USP20: variants seen among roughly 807,000 people sequenced by gnomAD.
USP20 encodes the protein ubiquitin carboxyl-terminal hydrolase 20.
USP20 carries 80 observed loss-of-function variants against 124.2 expected under a neutral mutation model. The observed-to-expected ratio is 0.64, with a 90% CI of 0.54 to 0.78. The LOEUF is 0.78. USP20 is among the 30% of genes least tolerant of loss of function. The pLI, the probability that USP20 is intolerant of heterozygous loss-of-function variation, is 0.00. For synonymous variants in USP20, 481 were observed against 512.3 expected, an observed-to-expected ratio of 0.94 and a Z score of 0.83; for missense variants, 1,043 against 1,244.4, an observed-to-expected ratio of 0.84 and a Z score of 2.44.
intron 1 of USP20, among the ~76,000 whole-genome samples, chr9:129,843,738 CAAAAA>C (rs1482666302): frequency 1.3e-5 from 2 of 150,868 alleles, no homozygotes. Context: ...AACTCCATCT[CAAAAA>C]AACAAAACAA....
intron 17 of USP20, among the ~76,000 whole-genome samples, chr9:129,874,237 C>T (rs920300261): frequency 9.2e-5 from 14 of 152,302 alleles, no homozygotes; most frequent in African/African-American, 3.4e-4. Context: ...AAGGAAGGCA[C>T]GTGTGGCTGG....
chr9:129,844,842 G>A (rs1050727447), intron 1 of USP20, among the ~76,000 whole-genome samples: 4 of 151,774 alleles, frequency 2.6e-5, no homozygotes, highest in African/African-American at 9.7e-5. Context: ...ACAAGTAGGA[G>A]AAGATGAAAA....
At chr9:129,880,425 G>T in intron 25 of USP20, 42 bp from the exon 26 acceptor site, 1 of 1,065,926 alleles carries the variant, frequency 9.4e-7, no homozygotes, top group Non-Finnish European at 1.3e-6. Context: ...GAGGGCCCTG[G>T]ACATGGCCCG....
At position 129,879,649 on chromosome 9, in the gene USP20, G is replaced by A; in HGVS notation, c.2584+5G>A. On this transcript the variant is annotated splice_donor_5th_base_variant and intron_variant, in intron 24 of 25. Transcript: ENST00000372429. The surrounding 1 kb of genome is among the most constrained non-coding windows in gnomAD (Gnocchi z 4.2). ...GCCATGTCCAGCTGAAGCAGGGTGA[G>A]TTCCCCCTGGGGTCAGCCAGGCTCC... 6.2e-7 allele frequency: 1 copy of A among 1,613,896 alleles called. No homozygotes were observed. The highest frequency in any genetic ancestry group is 8.5e-7 in the Non-Finnish European group (1 of 1,179,970).
chr9:129,868,282 A>G lies in USP20; in HGVS notation c.968A>G (p.Glu323Gly). 6.2e-7 allele frequency: 1 copy of G among 1,613,980 alleles called. No homozygotes were observed. The highest frequency in any genetic ancestry group is 1.1e-5 in the South Asian group (1 of 91,084). The change falls in exon 11 of 26, where the codon GAG becomes GGG. Residue 323 changes from glutamate (E) to glycine (G), a missense_variant. Glu to Gly is a moderately conservative substitution (Grantham distance 98). Coordinates refer to ENST00000372429, the MANE Select transcript of USP20 (RefSeq NM_001110303.4). The part of the protein sequence containing the change: ...IPDEAGRAIS[E>G]KERMKDRKFS... ...GATGAGGCGGGCCGAGCCATCTCTG[A>G]GAAGGAGCGGATGAAGGACCGCAAG...
Position 129,874,644 on chromosome 9 carries a change from C to A in USP20, c.1809C>A (p.Val603=). ...VMYSFKINSH[V]SFPLEGLDLR... is the part of the protein sequence containing the mutation. ...ACTCATTCAAGATCAACAGCCACGT[C>A]TCCTTCCCCCTCGAGGGGCTCGACC... Residue 603 remains valine (V), a synonymous_variant, in exon 18 of 26, where the codon GTC becomes GTA. Coordinates refer to ENST00000372429, the MANE Select transcript of USP20 (RefSeq NM_001110303.4). 6.2e-7 allele frequency: 1 copy of A among 1,613,936 alleles called. No homozygotes were observed. The highest frequency in any genetic ancestry group is 1.7e-5 in the Admixed American group (1 of 60,032).
rs1244585262 is a variant in USP20, at chr9:129,839,358, A to AG, written c.-129+3864dup. 6.6e-6 allele frequency among the ~76,000 whole-genome samples: 1 copy of AG among 152,054 alleles called. No homozygotes were observed. The highest frequency in any genetic ancestry group is 1.5e-5 in the Non-Finnish European group (1 of 68,002). ...GTTCCAATATTCAGGGCCGTGGGGC[A>AG]GGGGGAAGGGCGATGAGGAGACACA... On this transcript the variant is annotated intron_variant, in intron 1 of 25. Transcript: ENST00000372429. The surrounding 1 kb of genome is among the most constrained non-coding windows in gnomAD (Gnocchi z 4.5).
At position 129,861,034 on chromosome 9, in the gene USP20, G is replaced by A; in HGVS notation, c.427+1G>A. 1 of 1,613,786 alleles carries A rather than the reference G, an allele frequency of 6.2e-7. No homozygotes were observed. The highest frequency in any genetic ancestry group is 8.5e-7 in the Non-Finnish European group (1 of 1,179,698). On this transcript the variant is annotated splice_donor_variant, in intron 7 of 25. Transcript: ENST00000372429. LOFTEE classifies it high-confidence loss of function. The stretch of plus-strand genomic sequence containing the variant: ...GAGGACGATGACCTGAAACCTCGAG[G>A]TAATGGCCCCCACAGCAGGGGAAGC...
In USP20 at chr9:129,879,351, C is replaced by T. The variant is rs527768648; in HGVS notation, c.2513-222C>T. 7.6e-5 allele frequency: 41 copies of T among 542,404 alleles called. No individual in the cohort carries two copies. The highest frequency in any genetic ancestry group is 4.9e-4 in the Middle Eastern group (1 of 2,048). The allele number at this position is 542,404 out of a possible 1,614,324, so 33.6% of individuals were successfully genotyped here. A position where few individuals can be genotyped will look rare whatever the true frequency, so the allele number is the denominator to read the frequency against. The stretch of plus-strand genomic sequence containing the variant: ...CATGGGCCATCCACCGCAGCTCCTG[C>T]GGCCAGCACAGAGTCTGAGACCATC... On this transcript the variant is annotated intron_variant, in intron 23 of 25. Transcript: ENST00000372429. The surrounding 1 kb of genome is among the most constrained non-coding windows in gnomAD (Gnocchi z 4.2).
intron 1 of USP20, among the ~76,000 whole-genome samples, chr9:129,847,761 A>C (rs999148385): frequency 1.3e-5 from 2 of 152,138 alleles, no homozygotes; most frequent in Non-Finnish European, 2.9e-5. Context: ...ACACCACAGA[A>C]AGTTCCTTCT....
chr9:129,865,269 G>C (rs1447003177), intron 9 of USP20, 34 bp from the exon 10 acceptor site: 1 of 1,611,484 alleles, frequency 6.2e-7, no homozygotes, highest in African/African-American at 1.3e-5. Flanking sequence ...CTCAAGGCAG[G>C]CTACCTGGAC....
At position 129,870,543 on chromosome 9, in the gene USP20, A is replaced by T. The variant is rs1187807726; in HGVS notation, c.1656A>T (p.Leu552Phe). The T allele has an allele frequency of 6.2e-7, 1 of 1,613,926 alleles. No homozygotes were observed. Among genetic ancestry groups the T allele is most frequent in the Non-Finnish European group, 8.5e-7 (1 of 1,179,994 alleles). Residue 552 changes from leucine to phenylalanine, a missense_variant, in exon 15 of 26, where the codon TTA (leucine) becomes TTT (phenylalanine). Physicochemically the swap from Leu to Phe is conservative, Grantham distance 22 (BLOSUM62 0). Coordinates refer to ENST00000372429, the MANE Select transcript of USP20 (RefSeq NM_001110303.4). Reference protein sequence around the residue: ...CLAAFFAADELKGDNMYSCER... With the variant: ...CLAAFFAADEFKGDNMYSCER... ...CTGCCTTCTTTGCCGCTGATGAGTTAAAGGGTGAGGGGCCTGGCTGGCAAG... is the reference window on the plus strand; with the variant it reads ...CTGCCTTCTTTGCCGCTGATGAGTTTAAGGGTGAGGGGCCTGGCTGGCAAG...
At chr9:129,846,073 C>T (rs965051189) in intron 1 of USP20, among the ~76,000 whole-genome samples, 4 of 148,192 alleles carry the variant, frequency 2.7e-5, no homozygotes, top group African/African-American at 7.5e-5. Context: ...TACAGGCGTC[C>T]GCCACCACAC....
At chr9:129,858,172 A>AG in intron 5 of USP20, 60 bp downstream of exon 5, 3 of 1,561,476 alleles carry the variant, frequency 1.9e-6, no homozygotes, top group Non-Finnish European at 2.6e-6. Context: ...TTCAAACCCC[A>AG]GCTCCACCTT....
chr9:129,870,139 A>C, intron 14 of USP20: 1 of 559,884 alleles, frequency 1.8e-6, no homozygotes, highest in Non-Finnish European at 3.2e-6. Context: ...GTTGGCGGGA[A>C]GGGCAGCAGC....
chr9:129,876,287 G>T, intron 22 of USP20, 49 bp downstream of exon 22: 1 of 1,500,820 alleles, frequency 6.7e-7, no homozygotes. Context: ...CCTCTGCCTG[G>T]GGCAGCTGGG....
chr9:129,835,949 T>C (rs2031799838), intron 1 of USP20: 1 of 152,170 alleles, frequency 6.6e-6, no homozygotes, highest in African/African-American at 2.4e-5. Context: ...TCACAAATAA[T>C]GGCCCCCAGC....
chr9:129,874,933 G>T lies in USP20; in HGVS notation c.2026G>T (p.Glu676Ter). 1 of 1,613,948 alleles carries T rather than the reference G, an allele frequency of 6.2e-7. No homozygotes were observed. Residue 676 changes from glutamate (E) to a stop codon, truncating the protein, a stop_gained, in exon 19 of 26, where the codon GAG becomes TAG. Transcript: ENST00000372429. LOFTEE classifies it high-confidence loss of function. The stretch of plus-strand genomic sequence containing the variant: ...CCACGAGACGGTGGTGCAGAACGCC[G>T]AGGGCTACGTACTCTTCTACAGGTG... Reference protein sequence around the residue: ...EVHETVVQNAEGYVLFYRKSS... With the variant: ...EVHETVVQNA
chr9:129,876,081 C>T, intron 21 of USP20, 49 bp from the exon 22 acceptor site: 1 of 1,529,466 alleles, frequency 6.5e-7, no homozygotes, highest in South Asian at 1.2e-5. Context: ...ACTCTCCCCT[C>T]CCTGGTACCC....
Sources: allele counts gnomAD v4.1 joint callset (sites outside exome capture counted in the v4.1 genomes callset), GRCh38; gene constraint gnomAD v4.1.1; non-coding constraint Gnocchi (gnomAD v3.1); transcripts MANE v1.5; gene names NCBI Gene and HGNC (gene_info 2026-07-23, HGNC 2026-07-21).